Variants in RNF151 observed in about 807,000 individuals in gnomAD.
RNF151 encodes ring finger protein 151.
A neutral mutation model predicts 11.1 loss-of-function variants in RNF151; 9 were observed. The ratio of observed to expected loss-of-function variants is 0.81; its 90% CI spans 0.49 to 1.42. The LOEUF (loss-of-function observed/expected upper bound fraction) is 1.42, where lower values mean the gene tolerates loss of function less well. RNF151 is among the 40% of genes most tolerant of loss of function. The probability of loss-of-function intolerance (pLI) is 0.00; values close to 1 mark genes in which losing one functional copy is unlikely to be tolerated. For missense variants in RNF151, 372 were observed against 342.9 expected, an observed-to-expected ratio of 1.08 and a Z score of -0.67; for synonymous variants, 172 against 140.7, an observed-to-expected ratio of 1.22 and a Z score of -1.58.
chr16:1,967,656 C>A (rs1462697252), intron 2 of RNF151, 69 bp from the exon 3 acceptor site: 1 of 1,312,736 alleles, frequency 7.6e-7, no homozygotes, highest in Non-Finnish European at 1.1e-6. Flanking sequence ...ACCTGGGTCA[C>A]CGAGTGAGGG....
intron 3 of RNF151, chr16:1,968,046 G>C (rs1314267458): frequency 1.4e-6 from 1 of 700,840 alleles, no homozygotes; most frequent in Non-Finnish European, 2.6e-6. Context: ...AGAAAATGGA[G>C]ATTTTAGAGG....
At chr16:1,967,865 C>A in intron 3 of RNF151, 44 bp downstream of exon 3, 1 of 1,399,880 alleles carries the variant, frequency 7.1e-7, no homozygotes, top group Non-Finnish European at 1.0e-6. Context: ...CCCTTCTCAC[C>A]CTTGTAGGGG....
At position 1,967,490 on chromosome 16, in the gene RNF151, G is replaced by A. The variant is rs571051955; in HGVS notation, c.149+71G>A. 13 of 1,413,072 alleles carry A rather than the reference G, an allele frequency of 9.2e-6. No individual in the cohort carries two copies. In the South Asian group the frequency reaches 1.6e-4, roughly 18 times the overall value. The allele number at this position is 1,413,072 out of a possible 1,614,324, so 87.5% of individuals were successfully genotyped here. ...GGGGCCATTGCTGTGGCCCAGAACAGAGGGGAAAGTCAGCCAAAAGACTCA... is the reference window on the plus strand; with the variant it reads ...GGGGCCATTGCTGTGGCCCAGAACAAAGGGGAAAGTCAGCCAAAAGACTCA... On this transcript the variant is annotated intron_variant, in intron 2 of 3. Transcript: ENST00000569714.
rs1207965498 is a variant in RNF151, at chr16:1,968,770, GTCGT to G, written c.588_591del (p.Arg197GlufsTer50). On this transcript the variant is annotated frameshift_variant, in exon 4 of 4. Transcript: ENST00000569714. LOFTEE classifies it low-confidence loss of function (END_TRUNC). Reference sequence around the variant, plus strand: ...GCGCTGGCTGGACCAAGCCACCAGTGTCGTTCGTAGAGAGCTGGCGGAGCTCAGC... The same window carrying G: ...GCGCTGGCTGGACCAAGCCACCAGTGTCGTAGAGAGCTGGCGGAGCTCAGC... 5 of 1,586,656 alleles carry G rather than the reference GTCGT, an allele frequency of 3.2e-6. No homozygotes were observed. Among genetic ancestry groups the G allele is most frequent in the Middle Eastern group, 1.7e-4 (1 of 6,054 alleles).
At position 1,968,442 on chromosome 16, in the gene RNF151, CG is replaced by C. The variant is rs1334102501; in HGVS notation, c.256del (p.Ala86ProfsTer6). 2 of 1,555,350 alleles carry C rather than the reference CG, an allele frequency of 1.3e-6. No homozygotes were observed. Among genetic ancestry groups the C allele is most frequent in the East Asian group, 4.7e-5 (2 of 43,010 alleles). On this transcript the variant is annotated frameshift_variant, in exon 4 of 4. Transcript: ENST00000569714. LOFTEE classifies it low-confidence loss of function (END_TRUNC). Reference protein sequence around the residue: ...IGRLEVKCKNADAGCIVTCPL... With the variant: ...IGRLEVKCKNXDAGCIVTCPL... ...TTCTCCTTCACCCTCAGTGCAAGAACGCCGACGCTGGCTGCATAGTGACATG... is the reference window on the plus strand; with the variant it reads ...TTCTCCTTCACCCTCAGTGCAAGAACCCGACGCTGGCTGCATAGTGACATG...
rs181399062 is a variant in RNF151 at position 1,968,876 on chromosome 16, T to G, written c.689T>G (p.Val230Gly). ...GCCGAGGCTGCCCCAGAAGGCAACG[T>G]TGGGGCTGAGGTGGTGGGGGAGCCC... The part of the protein sequence containing the change: ...EEAEAAPEGN[V>G]GAEVVGEPRA... Residue 230 changes from valine to glycine, a missense_variant, in exon 4 of 4, where the codon GTT becomes GGT. Transcript: ENST00000569714. The G allele has an allele frequency of 6.2e-7, 1 of 1,600,916 alleles. No individual in the cohort carries two copies. Among genetic ancestry groups the G allele is most frequent in the Admixed American group, 1.7e-5 (1 of 58,364 alleles).
In RNF151 at chr16:1,968,616, C is replaced by G. The variant is rs1399989778; in HGVS notation, c.429C>G (p.Pro143=). 1.3e-6 allele frequency: 2 copies of G among 1,574,142 alleles called. No homozygotes were observed. Among genetic ancestry groups the G allele is most frequent in the Non-Finnish European group, 1.7e-6 (2 of 1,161,040 alleles). The stretch of plus-strand genomic sequence containing the variant: ...AGCAAGGGTCCCAGCAGCGCTGCCC[C>G]CTGGGCTGCGGGGCCACCCTGGACC... ...HCQQGSQQRC[P]LGCGATLDPA... is the part of the protein sequence containing the mutation. The change falls in exon 4 of 4, where the codon CCC becomes CCG. Residue 143 remains proline (P), a synonymous_variant. Transcript: ENST00000569714.
At chr16:1,968,356 T>C in intron 3 of RNF151, 78 bp from the exon 4 acceptor site, 1 of 1,438,456 alleles carries the variant, frequency 7.0e-7, no homozygotes, top group East Asian at 2.5e-5. Flanking sequence ...CCCTGGTTCC[T>C]GGCGAATGGA....
In RNF151 at chr16:1,968,329, G is replaced by A. The variant is rs2083329315; in HGVS notation, c.247-105G>A. ...ACCAACTCACCAGAGTCAGAAAAGC[G>A]TGGGAGGCTCCCGGTTCCCTGGTTC... On this transcript the variant is annotated intron_variant, in intron 3 of 3. Coordinates refer to ENST00000569714, the MANE Select transcript of RNF151 (RefSeq NM_174903.6). 2.4e-5 allele frequency: 33 copies of A among 1,377,344 alleles called. 1 individual carries two copies. In the South Asian group the frequency reaches 2.4e-4, roughly 10 times the overall value. The allele number at this position is 1,377,344 out of a possible 1,614,324, so 85.3% of individuals were successfully genotyped here.
At chr16:1,966,981 A>G (rs1165173658) in intron 1 of RNF151, 97 bp downstream of exon 1, 4 of 1,392,150 alleles carry the variant, frequency 2.9e-6, no homozygotes, top group Non-Finnish European at 3.9e-6. Flanking sequence ...CCACTCGGAA[A>G]GGGTGGGCAA....
At position 1,967,621 on chromosome 16, in the gene RNF151, G is replaced by T. The variant is rs544883753; in HGVS notation, c.150-104G>T. 1.3e-4 allele frequency: 129 copies of T among 1,025,900 alleles called. 3 individuals carry two copies. The South Asian group carries it at 1.5e-3, about 12-fold the overall frequency. The allele number at this position is 1,025,900 out of a possible 1,614,324, so 63.5% of individuals were successfully genotyped here. ...AGAGCGCCCTGTAATATGCCCTAAT[G>T]CCTCATCCAGCTAATGAAGGGACCA... On this transcript the variant is annotated intron_variant, in intron 2 of 3. Transcript: ENST00000569714.
chr16:1,968,311 C>CA, intron 3 of RNF151, 123 bp from the exon 4 acceptor site: 1 of 1,257,260 alleles, frequency 8.0e-7, no homozygotes, highest in South Asian at 1.6e-5. Context: ...TCCACCAACT[C>CA]ACCAGAGTCA....
At chr16:1,967,147 C>G in intron 1 of RNF151, 127 bp from the exon 2 acceptor site, 1 of 1,288,618 alleles carries the variant, frequency 7.8e-7, no homozygotes, top group Non-Finnish European at 1.1e-6. Context: ...GGGCGCTGAG[C>G]CAACCCCTTT....
At chr16:1,967,680 C>G (rs1399651565) in intron 2 of RNF151, 45 bp from the exon 3 acceptor site, 2 of 1,482,950 alleles carry the variant, frequency 1.3e-6, no homozygotes, top group East Asian at 2.3e-5. Flanking sequence ...GACCAGGGCT[C>G]CCTTCCCACT....
chr16:1,967,016 C>A (rs988607495), intron 1 of RNF151, 132 bp downstream of exon 1: 76 of 1,165,204 alleles, frequency 6.5e-5, no homozygotes, highest in Non-Finnish European at 8.5e-5. Flanking sequence ...CCATATGGTA[C>A]AAGGAAACCT....
At position 1,968,621 on chromosome 16, in the gene RNF151, G is replaced by A. The variant is rs1003656798; in HGVS notation, c.434G>A (p.Gly145Asp). Residue 145 changes from glycine to aspartate, a missense_variant, in exon 4 of 4, where the codon GGC (glycine) becomes GAC (aspartate). Coordinates refer to ENST00000569714, the MANE Select transcript of RNF151 (RefSeq NM_174903.6). ...GGGTCCCAGCAGCGCTGCCCCCTGG[G>A]CTGCGGGGCCACCCTGGACCCGGCC... is the stretch of plus-strand genomic sequence containing the variant. Reference protein sequence around the residue: ...QQGSQQRCPLGCGATLDPAER... With the variant: ...QQGSQQRCPLDCGATLDPAER... 2 of 1,571,998 alleles carry A rather than the reference G, an allele frequency of 1.3e-6. No homozygotes were observed. The highest frequency in any genetic ancestry group is 1.7e-6 in the Non-Finnish European group (2 of 1,159,804).
At chr16:1,967,680 C>T (rs1399651565) in intron 2 of RNF151, 45 bp from the exon 3 acceptor site, 4 of 1,482,950 alleles carry the variant, frequency 2.7e-6, no homozygotes, top group Non-Finnish European at 3.7e-6. Flanking sequence ...GACCAGGGCT[C>T]CCTTCCCACT....
In RNF151 at chr16:1,968,554, C is replaced by G; in HGVS notation, c.367C>G (p.Pro123Ala). 1 of 1,608,334 alleles carries G rather than the reference C, an allele frequency of 6.2e-7. No individual in the cohort carries two copies. Among genetic ancestry groups the G allele is most frequent in the Non-Finnish European group, 8.5e-7 (1 of 1,178,066 alleles). The change falls in exon 4 of 4, where the codon CCG (proline) becomes GCG (alanine). Residue 123 changes from proline (P) to alanine (A), a missense_variant. Pro to Ala is a conservative substitution (Grantham distance 27). Transcript: ENST00000569714. Reference protein sequence around the residue: ...CPNEGCTSQVPRGTLAEHRQH... With the variant: ...CPNEGCTSQVARGTLAEHRQH... ...CAACGAGGGCTGCACCTCGCAGGTGCCGCGTGGGACCCTGGCAGAGCACCG... is the reference window on the plus strand; with the variant it reads ...CAACGAGGGCTGCACCTCGCAGGTGGCGCGTGGGACCCTGGCAGAGCACCG...
rs1054057320 is a variant in RNF151 at position 1,967,835 on chromosome 16, C to A, written c.246+14C>A. On this transcript the variant is annotated intron_variant, in intron 3 of 3. Transcript: ENST00000569714. ...CTGGAAGTCAAGGTAGCTCAAAGTA[C>A]CCACTCCCCTGACCCTCAACCCTTC... The A allele has an allele frequency of 6.3e-7, 1 of 1,579,090 alleles. No individual in the cohort carries two copies. The highest frequency in any genetic ancestry group is 8.7e-7 in the Non-Finnish European group (1 of 1,155,740).
Sources: gnomAD v4.1 joint callset for allele counts on GRCh38, gnomAD v4.1.1 for gene constraint, MANE v1.5 for transcripts, NCBI Gene and HGNC (gene_info 2026-07-23, HGNC 2026-07-21) for gene names.